RNF6: variants seen among roughly 807,000 people sequenced by gnomAD.
The protein encoded by RNF6 is ring finger protein 6, also known as E3 ubiquitin-protein ligase RNF6.
In RNF6, 21 loss-of-function variants were observed where a neutral mutation model predicts 50.1. That is an observed-to-expected ratio of 0.42 (90% CI 0.30 to 0.60). The LOEUF is 0.60. RNF6 is among the 20% of genes least tolerant of loss of function. The pLI, the probability that RNF6 is intolerant of heterozygous loss-of-function variation, is 0.20. For synonymous variants in RNF6, 255 were observed against 291.8 expected (o/e 0.87, Z 1.29); for missense variants, 698 against 838.2 (o/e 0.83, Z 2.07).
chr13:26,204,142 A>G (rs527547346), intron 5 of RNF6, among the ~76,000 whole-genome samples: 108 of 152,166 alleles, frequency 7.1e-4, no homozygotes, highest in Middle Eastern at 6.8e-3. Flanking sequence ...CTGTATGTAT[A>G]ATTCTGTCTT....
At chr13:26,172,664 C>A (rs546568292) in intron 5 of RNF6, among the ~76,000 whole-genome samples, 31 of 152,250 alleles carry the variant, frequency 2.0e-4, no homozygotes, top group South Asian at 6.2e-4. Context: ...CTGCCTCAGC[C>A]TCCCGAGTAG....
chr13:26,214,257 G>C lies in RNF6; in HGVS notation c.1625C>G (p.Ala542Gly). ...ATGCATTTCAGTGCTGTCTCCTTGG[G>C]CCTGCCTGTCTTGAGAGGAACCTTC... ...HREGSSQDRQ[A>G]QGDSTEMHGE... The change falls in exon 5 of 5, where the codon GCC becomes GGC. Residue 542 changes from alanine (A) to glycine (G), a missense_variant. Transcript: ENST00000381588. 1 of 1,614,102 alleles carries C rather than the reference G, an allele frequency of 6.2e-7. No homozygotes were observed. The highest frequency in any genetic ancestry group is 8.5e-7 in the Non-Finnish European group (1 of 1,180,016).
At chr13:26,193,509 C>T (rs928879606) in intron 5 of RNF6, among the ~76,000 whole-genome samples, 3 of 152,116 alleles carry the variant, frequency 2.0e-5, no homozygotes, top group Non-Finnish European at 4.4e-5. Flanking sequence ...ATAAGAAAAA[C>T]TTAAGTAGAC....
At chr13:26,179,005 T>C (rs1020310133) in intron 5 of RNF6, among the ~76,000 whole-genome samples, 32 of 152,338 alleles carry the variant, frequency 2.1e-4, no homozygotes, top group African/African-American at 5.5e-4. Flanking sequence ...ATTGTATATA[T>C]TGTTAAGCAG....
chr13:26,147,192 G>A (rs1871295103), intron 5 of RNF6, among the ~76,000 whole-genome samples: 1 of 152,156 alleles, frequency 6.6e-6, no homozygotes, highest in Non-Finnish European at 1.5e-5. Context: ...TTCTGCCTGT[G>A]CATATTAGAA....
intron 5 of RNF6, among the ~76,000 whole-genome samples, chr13:26,157,377 G>A (rs1871983177): frequency 6.6e-6 from 1 of 151,952 alleles, no homozygotes; most frequent in Non-Finnish European, 1.5e-5. Context: ...AGAAACCAGA[G>A]AACACAATGG....
chr13:26,138,204 C>T (rs1338585736), intron 5 of RNF6, among the ~76,000 whole-genome samples: 1 of 152,024 alleles, frequency 6.6e-6, no homozygotes, highest in Non-Finnish European at 1.5e-5. Context: ...ATGACATATC[C>T]AAAGTACTGG....
At chr13:26,173,095 C>G (rs1231732160) in intron 5 of RNF6, among the ~76,000 whole-genome samples, 1 of 152,174 alleles carries the variant, frequency 6.6e-6, no homozygotes, top group Non-Finnish European at 1.5e-5. Flanking sequence ...CAAAGATTGG[C>G]AAGACCACGG....
chr13:26,213,699 A>C lies in RNF6; in HGVS notation c.*125T>G. The C allele has an allele frequency of 1.6e-6, 1 of 625,326 alleles. No individual in the cohort carries two copies. The highest frequency in any genetic ancestry group is 5.2e-5 in the South Asian group (1 of 19,282). 38.7% of individuals were successfully genotyped at this position (625,326 alleles called of 1,614,324 possible). On this transcript the variant is annotated 3_prime_UTR_variant, in exon 5 of 5. Transcript: ENST00000381588. ...AACAAGTTTAAAAAAGCACACGAAA[A>C]ATAGTTCAAACTATATATAATCTGT...
chr13:26,220,418 A>G (rs1870357289), intron 2 of RNF6, among the ~76,000 whole-genome samples: 1 of 152,148 alleles, frequency 6.6e-6, no homozygotes, highest in African/African-American at 2.4e-5. Flanking sequence ...TGCCTAAGAA[A>G]CCACTATTTT....
chr13:26,153,932 A>C (rs1030751715), intron 5 of RNF6: 1 of 152,208 alleles, frequency 6.6e-6, no homozygotes, highest in African/African-American at 2.4e-5. Context: ...ACTGTAAGAA[A>C]AGAATTCTCT....
intron 3 of RNF6, 91 bp from the exon 4 acceptor site, chr13:26,218,697 G>T: frequency 1.1e-6 from 1 of 892,904 alleles, no homozygotes; most frequent in Non-Finnish European, 1.8e-6. Flanking sequence ...GTAACCTATA[G>T]AAGACAAATG....
intron 5 of RNF6, among the ~76,000 whole-genome samples, chr13:26,182,326 G>A (rs2137660831): frequency 6.7e-6 from 1 of 149,060 alleles, no homozygotes; most frequent in East Asian, 2.0e-4. Context: ...CCCTTATTTA[G>A]GTTTGTCTCT....
At chr13:26,163,037 G>A (rs965354904) in intron 5 of RNF6, among the ~76,000 whole-genome samples, 2 of 152,004 alleles carry the variant, frequency 1.3e-5, no homozygotes, top group African/African-American at 2.4e-5. Context: ...GTGGCCGGGC[G>A]CGGTGGCTCA....
At chr13:26,151,808 T>C (rs1871617907) in intron 5 of RNF6, among the ~76,000 whole-genome samples, 1 of 152,150 alleles carries the variant, frequency 6.6e-6, no homozygotes, top group Non-Finnish European at 1.5e-5. Context: ...AGGGGGGAAA[T>C]TTTAGGATCG....
At chr13:26,183,991 A>AATATATATATATATATATAT (rs1243482593) in intron 5 of RNF6, among the ~76,000 whole-genome samples, 8 of 61,542 alleles carry the variant, frequency 1.3e-4, no homozygotes, top group African/African-American at 6.3e-4. Flanking sequence ...AGATAAATAA[A>AATATATATATATATATATAT]ATATATATAT....
chr13:26,215,274 A>T lies in RNF6; in HGVS notation c.608T>A (p.Val203Glu), dbSNP rs7990167. 10,075 of 1,614,168 alleles carry T rather than the reference A, an allele frequency of 6.2e-3. 45 individuals carry two copies. Among genetic ancestry groups the T allele is most frequent in the African/African-American group, 0.017 (1,286 of 75,040 alleles). ...VARRTRSQTS[V>E]NFNGSSSNIP... The stretch of plus-strand genomic sequence containing the variant: ...GTTGGAACTACTACCATTGAAATTC[A>T]CTGAGGTTTGGCTTCTTGTTCGCCT... The change falls in exon 5 of 5, where the codon GTG (valine) becomes GAG (glutamate). Residue 203 changes from valine to glutamate, a missense_variant. Coordinates refer to ENST00000381588, the MANE Select transcript of RNF6 (RefSeq NM_005977.4).
At chr13:26,156,364 A>G (rs1428938800) in intron 5 of RNF6, among the ~76,000 whole-genome samples, 4 of 152,234 alleles carry the variant, frequency 2.6e-5, no homozygotes, top group African/African-American at 7.2e-5. Context: ...CATTGCTTAC[A>G]TAAGGTTTAA....
intron 5 of RNF6, among the ~76,000 whole-genome samples, chr13:26,157,607 C>A (rs485250): frequency 6.6e-6 from 1 of 152,168 alleles, no homozygotes; most frequent in African/African-American, 2.4e-5. Flanking sequence ...GCAAAAAAAG[C>A]CAAACAAGTC....
Sources: gnomAD v4.1 joint callset for allele counts (sites outside exome capture counted in the v4.1 genomes callset) on GRCh38, gnomAD v4.1.1 for gene constraint, MANE v1.5 for transcripts, NCBI Gene and HGNC (gene_info 2026-07-23, HGNC 2026-07-21) for gene names.